KLF12: variants seen among roughly 807,000 people sequenced by gnomAD.
KLF12 encodes Krueppel-like factor 12.
A neutral mutation model predicts 37.8 loss-of-function variants in KLF12; 9 were observed. The ratio of observed to expected loss-of-function variants is 0.24; its 90% CI spans 0.14 to 0.42. The LOEUF is 0.42. Among genes scored for constraint, KLF12 ranks in the 10% least tolerant of loss-of-function variants. KLF12 has a pLI of 1.00. For synonymous variants in KLF12, 208 were observed against 202.1 expected (o/e 1.03, Z -0.25); for missense variants, 411 against 516.0 (o/e 0.80, Z 1.97).
chr13:74,075,095 A>G (rs1213545182), intron 1 of KLF12, among the ~76,000 whole-genome samples: 2 of 152,200 alleles, frequency 1.3e-5, no homozygotes, highest in African/African-American at 4.8e-5. Context: ...TAAGTGTTGA[A>G]GGAAGGAATA....
At chr13:73,843,290 G>A (rs1213677937) in intron 4 of KLF12, among the ~76,000 whole-genome samples, 1 of 151,800 alleles carries the variant, frequency 6.6e-6, no homozygotes, top group African/African-American at 2.4e-5. Context: ...ATGGATGCTA[G>A]ACATGTATAC....
At position 73,846,009 on chromosome 13, in the gene KLF12, A is replaced by C; in HGVS notation, c.488T>G (p.Ile163Ser). Residue 163 changes from isoleucine (I) to serine (S), a missense_variant, in exon 4 of 8, where the codon ATT (isoleucine) becomes AGT (serine). Ile to Ser is a moderately radical substitution (Grantham distance 142, BLOSUM62 -2). Transcript: ENST00000377669. ...ACTTGAAGGCGGTACGGGATGGATA[A>C]TGTGCAAAAACTGCTGGCCTCCAAC... 1.9e-6 allele frequency: 3 copies of C among 1,614,146 alleles called. No homozygotes were observed. The highest frequency in any genetic ancestry group is 2.5e-6 in the Non-Finnish European group (3 of 1,180,016).
chr13:73,897,256 C>CATGT (rs1432476035), intron 3 of KLF12, among the ~76,000 whole-genome samples: 1 of 152,230 alleles, frequency 6.6e-6, no homozygotes, highest in Non-Finnish European at 1.5e-5. Flanking sequence ...AAACACACTA[C>CATGT]AGCTCAGTAT....
intron 5 of KLF12, among the ~76,000 whole-genome samples, chr13:73,811,793 A>G (rs1290920866): frequency 6.6e-6 from 1 of 152,226 alleles, no homozygotes; most frequent in African/African-American, 2.4e-5. Context: ...TCTCTGATGT[A>G]TTATATGTAT....
At position 74,084,299 on chromosome 13, in the gene KLF12, T is replaced by A. The variant is rs1875118575; in HGVS notation, c.-32+49440A>T. On this transcript the variant is annotated intron_variant, in intron 1 of 7. Transcript: ENST00000377669. ...TCAGAAAAGTGTCAACATAAAACAC[T>A]AAAAGCTCCTCACTCTATTACAAAT... 2.0e-5 allele frequency among the ~76,000 whole-genome samples: 3 copies of A among 152,178 alleles called. No individual in the cohort carries two copies. In the South Asian group the frequency reaches 6.2e-4, roughly 31 times the overall value.
chr13:73,982,366 T>C (rs1203732973), intron 2 of KLF12, among the ~76,000 whole-genome samples: 3 of 152,182 alleles, frequency 2.0e-5, no homozygotes, highest in African/African-American at 7.2e-5. Flanking sequence ...CTTGGTCCCA[T>C]ATGCATTGAA....
chr13:73,911,017 G>C (rs1888544167), intron 3 of KLF12, among the ~76,000 whole-genome samples: 1 of 151,910 alleles, frequency 6.6e-6, no homozygotes, highest in Non-Finnish European at 1.5e-5. Context: ...CCTTGACCTT[G>C]GACTTCTCAG....
At chr13:74,010,609 G>A (rs777490012) in intron 1 of KLF12, among the ~76,000 whole-genome samples, 13 of 152,048 alleles carry the variant, frequency 8.5e-5, no homozygotes, top group African/African-American at 1.4e-4. Context: ...TGTACAAGGC[G>A]TTTGTAGTTA....
chr13:74,242,751 G>T, the KLF12 span, among the ~76,000 whole-genome samples: 1 of 152,136 alleles, frequency 6.6e-6, no homozygotes, highest in Admixed American at 6.5e-5. Context: ...GGATACAAGG[G>T]GAAAGAAGGC....
intron 7 of KLF12, among the ~76,000 whole-genome samples, chr13:73,700,274 A>T (rs879849096): frequency 1.4e-3 from 206 of 150,776 alleles, no homozygotes; most frequent in East Asian, 1.6e-3. Context: ...CTCAAAAAAT[A>T]AATAAATAAA....
intron 6 of KLF12, among the ~76,000 whole-genome samples, chr13:73,750,085 T>C (rs555524572): frequency 6.6e-6 from 1 of 152,328 alleles, no homozygotes; most frequent in South Asian, 2.1e-4. Flanking sequence ...TCAAACATTT[T>C]GTCAGGCATA....
At chr13:73,841,916 G>C (rs1036384827) in intron 4 of KLF12, among the ~76,000 whole-genome samples, 6 of 152,030 alleles carry the variant, frequency 3.9e-5, no homozygotes, top group Admixed American at 2.6e-4. Flanking sequence ...AATTATGTTT[G>C]TTTACTATAC....
chr13:73,740,802 T>C (rs997772592), intron 6 of KLF12, among the ~76,000 whole-genome samples: 2 of 152,202 alleles, frequency 1.3e-5, no homozygotes, highest in African/African-American at 4.8e-5. Flanking sequence ...TGCTCTAACA[T>C]ATGTCTCAGT....
intron 1 of KLF12, among the ~76,000 whole-genome samples, chr13:74,020,647 T>C (rs1176703993): frequency 6.6e-6 from 1 of 151,948 alleles, no homozygotes; most frequent in Non-Finnish European, 1.5e-5. Context: ...TCCCAGCACT[T>C]TGGGAGGCCG....
intron 1 of KLF12, among the ~76,000 whole-genome samples, chr13:74,100,114 G>A (rs1409313141): frequency 2.6e-5 from 4 of 152,054 alleles, no homozygotes; most frequent in East Asian, 1.9e-4. Flanking sequence ...GAGGGGTTGT[G>A]GGGGTGAAGG....
chr13:73,831,545 A>T (rs1398338315), intron 4 of KLF12, among the ~76,000 whole-genome samples: 1 of 152,222 alleles, frequency 6.6e-6, no homozygotes, highest in Non-Finnish European at 1.5e-5. Context: ...TTATTTCAAA[A>T]GCAATTATTA....
At chr13:73,908,422 C>CAAA (rs1238264833) in intron 3 of KLF12, among the ~76,000 whole-genome samples, 6 of 147,718 alleles carry the variant, frequency 4.1e-5, no homozygotes, top group African/African-American at 1.3e-4. Context: ...AACAAACAAA[C>CAAA]AAAAAAATTA....
At chr13:74,072,941 T>C (rs556704489) in intron 1 of KLF12, among the ~76,000 whole-genome samples, 1 of 152,232 alleles carries the variant, frequency 6.6e-6, no homozygotes, top group Admixed American at 6.5e-5. Context: ...TCCCCACATG[T>C]CATGGGAGGG....
intron 3 of KLF12, among the ~76,000 whole-genome samples, chr13:73,918,235 A>C (rs573663141): frequency 6.6e-6 from 1 of 152,118 alleles, no homozygotes; most frequent in African/African-American, 2.4e-5. Context: ...TTATAAGTAA[A>C]ACTTAAAACA....
Sources: allele counts gnomAD v4.1 joint callset (sites outside exome capture counted in the v4.1 genomes callset), GRCh38; gene constraint gnomAD v4.1.1; transcripts MANE v1.5; gene names NCBI Gene and HGNC (gene_info 2026-07-23, HGNC 2026-07-21).